IFT43: variants seen among roughly 807,000 people sequenced by gnomAD.
IFT43 encodes intraflagellar transport protein 43 homolog.
Under a neutral mutation model 32.3 loss-of-function variants are expected in IFT43, and 33 were observed. The observed-to-expected ratio is 1.02, with a 90% confidence interval of 0.77 to 1.37. The LOEUF is 1.37. IFT43 is among the 40% of genes most tolerant of loss of function. The pLI is 0.00. For missense variants in IFT43, 274 were observed against 265.9 expected, an observed-to-expected ratio of 1.03 and a Z score of -0.21; for synonymous variants, 93 against 98.2, an observed-to-expected ratio of 0.95 and a Z score of 0.31.
chr14:76,074,326 C>T (rs374218917), intron 5 of IFT43, among the ~76,000 whole-genome samples: 4 of 152,154 alleles, frequency 2.6e-5, no homozygotes, highest in African/African-American at 9.7e-5. Context: ...GTTTAAAGTC[C>T]TTTACCCCTC....
At chr14:76,050,191 T>C (rs184773828) in intron 3 of IFT43, among the ~76,000 whole-genome samples, 11 of 152,304 alleles carry the variant, frequency 7.2e-5, no homozygotes, top group African/African-American at 2.6e-4. Context: ...GGTTCCCTCT[T>C]TAGTGCTCCT....
intron 2 of IFT43, among the ~76,000 whole-genome samples, chr14:76,016,531 C>G (rs565272454): frequency 6.6e-6 from 1 of 152,242 alleles, no homozygotes; most frequent in South Asian, 2.1e-4. Flanking sequence ...GTTGCATTGG[C>G]TATTCAGGCC....
chr14:76,038,071 A>G (rs1330465627), intron 3 of IFT43: 1 of 152,188 alleles, frequency 6.6e-6, no homozygotes, highest in African/African-American at 2.4e-5. Context: ...TTCCCTTGCT[A>G]CCCTTAGCCG....
chr14:76,067,553 G>T (rs1594859689), intron 5 of IFT43, among the ~76,000 whole-genome samples: 1 of 151,094 alleles, frequency 6.6e-6, no homozygotes, highest in Admixed American at 6.6e-5. Flanking sequence ...CTGCACTCCA[G>T]CCTGGGAGAC....
intron 3 of IFT43, among the ~76,000 whole-genome samples, chr14:76,047,733 CTT>C (rs74779039): frequency 3.0e-4 from 42 of 141,302 alleles, no homozygotes; most frequent in Admixed American, 2.8e-4. Flanking sequence ...TCCCTCCCTC[CTT>C]TTTTTTTTTT....
intron 5 of IFT43, among the ~76,000 whole-genome samples, chr14:76,072,693 A>G (rs772377588): frequency 2.6e-5 from 4 of 152,168 alleles, no homozygotes; most frequent in Non-Finnish European, 4.4e-5. Flanking sequence ...TGTTAGGAGG[A>G]TTGTGATTAA....
intron 5 of IFT43, among the ~76,000 whole-genome samples, chr14:76,072,832 G>A (rs111527759): frequency 0.024 from 3,580 of 152,280 alleles, 161 homozygotes; most frequent in African/African-American, 0.081. Context: ...ACAGAAGACA[G>A]GATCAGGATA....
At chr14:76,039,501 A>G (rs2036666458) in intron 3 of IFT43, among the ~76,000 whole-genome samples, 1 of 152,190 alleles carries the variant, frequency 6.6e-6, no homozygotes, top group Non-Finnish European at 1.5e-5. Context: ...TTAAAGCTCA[A>G]ATGTAACTAA....
intron 5 of IFT43, among the ~76,000 whole-genome samples, chr14:76,073,611 G>T (rs886131952): frequency 2.0e-5 from 3 of 152,164 alleles, no homozygotes; most frequent in Non-Finnish European, 2.9e-5. Context: ...ATCTCTGTGT[G>T]TGTGTACTTG....
At chr14:76,039,156 A>T (rs2036659763) in intron 3 of IFT43, among the ~76,000 whole-genome samples, 1 of 150,462 alleles carries the variant, frequency 6.6e-6, no homozygotes, top group Non-Finnish European at 1.5e-5. Flanking sequence ...TTTTTTAGAC[A>T]GGGTCTCATT....
At chr14:76,043,369 C>CTCTTG (rs111242615) in intron 3 of IFT43, among the ~76,000 whole-genome samples, 2 of 151,656 alleles carry the variant, frequency 1.3e-5, no homozygotes, top group African/African-American at 2.4e-5. Flanking sequence ...TAGAGAAGAG[C>CTCTTG]TCGTGTGCAG....
chr14:75,988,378 A>G (rs1000388878), intron 1 of IFT43, among the ~76,000 whole-genome samples: 4 of 152,132 alleles, frequency 2.6e-5, no homozygotes, highest in African/African-American at 9.7e-5. Flanking sequence ...CTATTTTCCT[A>G]TCAAATAGAA....
At chr14:76,055,945 G>A (rs1023676884) in intron 3 of IFT43, among the ~76,000 whole-genome samples, 40 of 152,142 alleles carry the variant, frequency 2.6e-4, no homozygotes, top group African/African-American at 3.1e-4. Context: ...GGAGCAATGC[G>A]GGGTCGGGGG....
chr14:76,062,950 A>G (rs1258020292), intron 5 of IFT43, among the ~76,000 whole-genome samples: 2 of 149,016 alleles, frequency 1.3e-5, no homozygotes, highest in Non-Finnish European at 3.0e-5. Context: ...AAGAAAATAC[A>G]TTAAGTCAAA....
intron 2 of IFT43, among the ~76,000 whole-genome samples, chr14:76,001,822 G>A (rs1251104673): frequency 6.6e-6 from 1 of 152,196 alleles, no homozygotes; most frequent in Admixed American, 6.5e-5. Flanking sequence ...AGGTGGAAGG[G>A]CAAGAGGGCA....
intron 3 of IFT43, among the ~76,000 whole-genome samples, chr14:76,040,109 C>T (rs778447997): frequency 6.6e-6 from 1 of 152,138 alleles, no homozygotes; most frequent in Non-Finnish European, 1.5e-5. Context: ...TGTGTCACCA[C>T]ACCCAGCTAA....
intron 2 of IFT43, among the ~76,000 whole-genome samples, chr14:76,015,509 A>G (rs567402355): frequency 1.3e-5 from 2 of 152,346 alleles, no homozygotes; most frequent in East Asian, 1.9e-4. Context: ...AAAGTAGCTT[A>G]TACAGTTTTT....
rs772062756 is a variant in IFT43 at position 75,985,826 on chromosome 14, A to G, written c.40A>G (p.Ser14Gly). The change falls in exon 1 of 9, where the codon AGC becomes GGC. Residue 14 changes from serine to glycine, a missense_variant. Coordinates refer to ENST00000314067, the MANE Select transcript of IFT43 (RefSeq NM_001102564.3). Reference sequence around the variant, plus strand: ...CGACTTGGACGAGGAGCTTCGCTACAGCTTGGCTACCTCCGTGAGGACCAA... The same window carrying G: ...CGACTTGGACGAGGAGCTTCGCTACGGCTTGGCTACCTCCGTGAGGACCAA... The part of the protein sequence containing the change: ...LLDLDEELRY[S>G]LATSRAKMGR... 1 of 1,614,178 alleles carries G rather than the reference A, an allele frequency of 6.2e-7. No homozygotes were observed. The highest frequency in any genetic ancestry group is 8.5e-7 in the Non-Finnish European group (1 of 1,180,012).
At chr14:76,042,827 G>A (rs1322518634) in intron 3 of IFT43, among the ~76,000 whole-genome samples, 1 of 152,218 alleles carries the variant, frequency 6.6e-6, no homozygotes, top group Non-Finnish European at 1.5e-5. Context: ...TTCTGGTTTC[G>A]GGGCCTGTGA....
Sources: gnomAD v4.1 joint callset for allele counts (sites outside exome capture counted in the v4.1 genomes callset) on GRCh38, gnomAD v4.1.1 for gene constraint, MANE v1.5 for transcripts, NCBI Gene and HGNC (gene_info 2026-07-23, HGNC 2026-07-21) for gene names.